MAF: variants seen among roughly 807,000 people sequenced by gnomAD.
MAF encodes the protein MAF bZIP transcription factor.
A neutral mutation model predicts 22.0 loss-of-function variants in MAF; 10 were observed. That is an observed-to-expected ratio of 0.45 (90% CI 0.28 to 0.77). The LOEUF is 0.77. MAF is among the 30% of genes least tolerant of loss of function. MAF has a pLI of 0.12. For missense variants in MAF, 544 were observed against 548.4 expected, an observed-to-expected ratio of 0.99 and a Z score of 0.08; for synonymous variants, 337 against 255.8, an observed-to-expected ratio of 1.32 and a Z score of -3.03.
the MAF span, among the ~76,000 whole-genome samples, chr16:79,286,675 G>GC: frequency 6.6e-6 from 1 of 152,140 alleles, no homozygotes; most frequent in Non-Finnish European, 1.5e-5. Context: ...TACAGAACTT[G>GC]CTCAGAGCTA....
At chr16:79,203,530 G>C in the MAF span, 1 of 149,812 alleles carries the variant, frequency 6.7e-6, no homozygotes, top group Non-Finnish European at 1.5e-5. Context: ...GCTTTTTCAG[G>C]ACTATGTTAT....
At chr16:79,230,048 G>C in the MAF span, among the ~76,000 whole-genome samples, 1 of 152,186 alleles carries the variant, frequency 6.6e-6, no homozygotes, top group African/African-American at 2.4e-5. Context: ...ATTCTTAAGA[G>C]GTAAATATCG....
chr16:79,594,623 T>A, intron 1 of MAF, 70 bp from the exon 2 acceptor site: 3 of 1,530,884 alleles, frequency 2.0e-6, no homozygotes, highest in Non-Finnish European at 2.6e-6. Context: ...AGGGGAAAGC[T>A]AGATTTCCTC....
At chr16:79,538,350 G>A in the MAF span, among the ~76,000 whole-genome samples, 7 of 152,090 alleles carry the variant, frequency 4.6e-5, no homozygotes, top group African/African-American at 1.4e-4. Flanking sequence ...TTAGAAAACT[G>A]GTGATTTATA....
At chr16:79,237,431 T>C in the MAF span, among the ~76,000 whole-genome samples, 18 of 152,098 alleles carry the variant, frequency 1.2e-4, 1 homozygote, top group Non-Finnish European at 2.5e-4. Context: ...TCTGCTGTAA[T>C]TGGCTAATAA....
At chr16:79,228,509 C>T in the MAF span, among the ~76,000 whole-genome samples, 2 of 152,106 alleles carry the variant, frequency 1.3e-5, no homozygotes, top group African/African-American at 2.4e-5. Context: ...CACAAATTGG[C>T]CTGGATCCAT....
the MAF span, among the ~76,000 whole-genome samples, chr16:79,384,589 C>A: frequency 6.6e-6 from 1 of 151,700 alleles, no homozygotes; most frequent in Non-Finnish European, 1.5e-5. Flanking sequence ...AACCCTGTCT[C>A]TACTAAAAAT....
the MAF span, among the ~76,000 whole-genome samples, chr16:79,236,955 A>C: frequency 7.9e-5 from 12 of 151,708 alleles, no homozygotes; most frequent in Middle Eastern, 3.4e-3. Context: ...AAAAAAAAAA[A>C]AAAACTCAAA....
chr16:79,479,665 G>A, the MAF span, among the ~76,000 whole-genome samples: 2 of 152,212 alleles, frequency 1.3e-5, no homozygotes, highest in African/African-American at 4.8e-5. Context: ...CTGAGTATGT[G>A]AAAACTCTTC....
At chr16:79,207,905 CA>C in the MAF span, among the ~76,000 whole-genome samples, 1 of 152,014 alleles carries the variant, frequency 6.6e-6, no homozygotes, top group African/African-American at 2.4e-5. Flanking sequence ...TAGCAGTTAT[CA>C]AATGAATGTT....
chr16:79,253,014 C>T, the MAF span, among the ~76,000 whole-genome samples: 3 of 152,180 alleles, frequency 2.0e-5, no homozygotes, highest in African/African-American at 2.4e-5. Flanking sequence ...AAATAAAATC[C>T]ACTTCATGAG....
chr16:79,304,214 G>A, the MAF span, among the ~76,000 whole-genome samples: 2 of 152,192 alleles, frequency 1.3e-5, no homozygotes, highest in Admixed American at 1.3e-4. Flanking sequence ...TCGCACCCTG[G>A]CAGAATGTCC....
At chr16:79,545,950 G>C in the MAF span, among the ~76,000 whole-genome samples, 1 of 152,014 alleles carries the variant, frequency 6.6e-6, no homozygotes, top group East Asian at 1.9e-4. Flanking sequence ...TAATTTGCTT[G>C]ATTTAATTAA....
At chr16:79,465,638 T>C in the MAF span, among the ~76,000 whole-genome samples, 3 of 152,094 alleles carry the variant, frequency 2.0e-5, no homozygotes, top group Non-Finnish European at 4.4e-5. Flanking sequence ...AAAAGAAACA[T>C]ACTTGTAAAC....
the MAF span, among the ~76,000 whole-genome samples, chr16:79,538,506 C>T: frequency 6.6e-6 from 1 of 152,156 alleles, no homozygotes; most frequent in East Asian, 1.9e-4. Flanking sequence ...TTTTCAAACA[C>T]TAAAGCAAAG....
chr16:79,527,105 G>C, the MAF span, among the ~76,000 whole-genome samples: 12 of 152,152 alleles, frequency 7.9e-5, no homozygotes, highest in African/African-American at 2.9e-4. Flanking sequence ...CATTCACTTG[G>C]ATATAGCTGT....
chr16:79,304,176 G>A, the MAF span, among the ~76,000 whole-genome samples: 12 of 152,178 alleles, frequency 7.9e-5, no homozygotes, highest in Non-Finnish European at 1.3e-4. Flanking sequence ...CCAGCCCACT[G>A]GGGAGCAATC....
At chr16:79,588,200 C>T (rs1597835033) in intron 1 of MAF, among the ~76,000 whole-genome samples, 1 of 152,144 alleles carries the variant, frequency 6.6e-6, no homozygotes, top group Non-Finnish European at 1.5e-5. Context: ...ACATGGGGAT[C>T]GCAACCTGAA....
At chr16:79,403,173 T>C in the MAF span, among the ~76,000 whole-genome samples, 10 of 152,220 alleles carry the variant, frequency 6.6e-5, no homozygotes, top group Admixed American at 5.9e-4. Flanking sequence ...TTCTGGCATG[T>C]CGTTCAATGC....
Sources: gnomAD v4.1 joint callset for allele counts (sites outside exome capture counted in the v4.1 genomes callset) on GRCh38, gnomAD v4.1.1 for gene constraint, MANE v1.5 for transcripts, NCBI Gene and HGNC (gene_info 2026-07-23, HGNC 2026-07-21) for gene names.